Variants in PLEKHG3 observed in about 807,000 individuals in gnomAD.
PLEKHG3 encodes pleckstrin homology domain-containing family G member 3.
In PLEKHG3, 62 loss-of-function variants were observed where a neutral mutation model predicts 94.9. The ratio of observed to expected loss-of-function variants is 0.65; its 90% CI spans 0.53 to 0.81. The LOEUF (loss-of-function observed/expected upper bound fraction) is 0.81. Ranked by LOEUF, PLEKHG3 falls within the 30% of genes least tolerant of loss-of-function variation. The pLI is 0.00. For synonymous variants in PLEKHG3, 614 were observed against 654.0 expected (o/e 0.94, Z 0.93); for missense variants, 1,461 against 1,619.3 (o/e 0.90, Z 1.68).
Position 64,730,731 on chromosome 14 carries a change from G to T in PLEKHG3, c.566+43G>T, listed in dbSNP as rs2081441468. On this transcript the variant is annotated intron_variant, in intron 5 of 16. Transcript: ENST00000247226. This position sits in a 1 kb window ranked among gnomAD's most constrained non-coding sequence, Gnocchi z 5.4. ...GAGGGAAGGCAGAGCCATTTGGTGAGTCCAGAGCCCCCCACTTCCTCATCC... is the reference window on the plus strand; with the variant it reads ...GAGGGAAGGCAGAGCCATTTGGTGATTCCAGAGCCCCCCACTTCCTCATCC... 1 of 1,612,422 alleles carries T rather than the reference G, an allele frequency of 6.2e-7. No homozygotes were observed. Among genetic ancestry groups the T allele is most frequent in the Non-Finnish European group, 8.5e-7 (1 of 1,178,602 alleles).
chr14:64,730,148 G>T lies in PLEKHG3; in HGVS notation c.450-95G>T. 1.4e-6 allele frequency: 1 copy of T among 700,086 alleles called. No homozygotes were observed. Among genetic ancestry groups the T allele is most frequent in the Non-Finnish European group, 2.5e-6 (1 of 396,588 alleles). 43.4% of individuals were successfully genotyped at this position (700,086 alleles called of 1,614,324 possible). A position where few individuals can be genotyped will look rare whatever the true frequency, so the allele number is the denominator to read the frequency against. On this transcript the variant is annotated intron_variant, in intron 3 of 16. Coordinates refer to ENST00000247226, the MANE Select transcript of PLEKHG3 (RefSeq NM_001308147.2). The surrounding 1 kb of genome is among the most constrained non-coding windows in gnomAD (Gnocchi z 5.4). ...GTTCTTTAGCAAAGCAATAGGGCTGGCTGTCAGTCAGGGTTTGGGAGGTTG... is the reference window on the plus strand; with the variant it reads ...GTTCTTTAGCAAAGCAATAGGGCTGTCTGTCAGTCAGGGTTTGGGAGGTTG...
At position 64,727,375 on chromosome 14, in the gene PLEKHG3, A is replaced by G. The variant is rs989144482; in HGVS notation, c.-39-218A>G. 2.0e-5 allele frequency among the ~76,000 whole-genome samples: 3 copies of G among 152,210 alleles called. No homozygotes were observed. Among genetic ancestry groups the G allele is most frequent in the African/African-American group, 7.2e-5 (3 of 41,446 alleles). ...TAACATAAAATTTACCATCTTCACC[A>G]TTTTAAGTGTACAGTTCAGTGACAG... is the stretch of plus-strand genomic sequence containing the variant. On this transcript the variant is annotated intron_variant, in intron 1 of 16. Transcript: ENST00000247226. This position sits in a 1 kb window ranked among gnomAD's most constrained non-coding sequence, Gnocchi z 6.0.
chr14:64,748,980 C>G lies in PLEKHG3; in HGVS notation c.*5277C>G, dbSNP rs1466669158. 1 of 253,122 alleles carries G rather than the reference C, an allele frequency of 4.0e-6. No homozygotes were observed. The highest frequency in any genetic ancestry group is 1.1e-4 in the East Asian group (1 of 9,406). 15.7% of individuals were successfully genotyped at this position (253,122 alleles called of 1,614,324 possible). A position where few individuals can be genotyped will look rare whatever the true frequency, so the allele number is the denominator to read the frequency against. ...GGTTGGGGGTAAGGGGCCTGTGCCC[C>G]CTCGGCTCAGGAGGAGGGTGGGAGA... On this transcript the variant is annotated 3_prime_UTR_variant, in exon 17 of 17. Coordinates refer to ENST00000247226, the MANE Select transcript of PLEKHG3 (RefSeq NM_001308147.2).
At position 64,730,544 on chromosome 14, in the gene PLEKHG3, A is replaced by G. The variant is rs1302729664; in HGVS notation, c.520-98A>G. On this transcript the variant is annotated intron_variant, in intron 4 of 16. Coordinates refer to ENST00000247226, the MANE Select transcript of PLEKHG3 (RefSeq NM_001308147.2). This position sits in a 1 kb window ranked among gnomAD's most constrained non-coding sequence, Gnocchi z 5.4. ...CTCTGTAGGCATTTGGGAACAGGGG[A>G]CAGAGGGTGCTCTGGGGGCCAGGGG... The G allele has an allele frequency of 4.0e-6, 4 of 989,168 alleles. No homozygotes were observed. The highest frequency in any genetic ancestry group is 1.6e-5 in the African/African-American group (1 of 62,438). 61.3% of individuals were successfully genotyped at this position (989,168 alleles called of 1,614,324 possible). A position where few individuals can be genotyped will look rare whatever the true frequency, so the allele number is the denominator to read the frequency against.
chr14:64,740,887 A>C (rs2081671976), intron 15 of PLEKHG3, 149 bp from the exon 16 acceptor site: 3 of 625,774 alleles, frequency 4.8e-6, no homozygotes, highest in African/African-American at 1.8e-5. Flanking sequence ...CCCATCACCT[A>C]CTCCTAAGTC....
chr14:64,750,000 T>G lies in PLEKHG3; in HGVS notation c.*6297T>G, dbSNP rs201289041. 125 of 1,612,968 alleles carry G rather than the reference T, an allele frequency of 7.7e-5. No homozygotes were observed. Among genetic ancestry groups the G allele is most frequent in the African/African-American group, 1.2e-4 (9 of 74,920 alleles). On this transcript the variant is annotated 3_prime_UTR_variant, in exon 17 of 17. Transcript: ENST00000247226. The surrounding 1 kb of genome is among the most constrained non-coding windows in gnomAD (Gnocchi z 4.7). ...CCTCACCTCAGCTTAAAGACGTGCT[T>G]CTTCTTCTTGTAGTTGGCAGCAATC... is the stretch of plus-strand genomic sequence containing the variant.
rs1276066770 is a variant in PLEKHG3, at chr14:64,743,444, C to T, written c.3401C>T (p.Ala1134Val). ...GGAGGCGAGACCCTGTATGTCACTGCAGACCTCACCCTGGAGGACAACCGG... is the reference window on the plus strand; with the variant it reads ...GGAGGCGAGACCCTGTATGTCACTGTAGACCTCACCCTGGAGGACAACCGG... ...PDGGETLYVT[A>V]DLTLEDNRRV... The change falls in exon 17 of 17, where the codon GCA becomes GTA. Residue 1134 changes from alanine (A) to valine (V), a missense_variant. This residue lies in a region of PLEKHG3 where 1,201 missense variants were observed against 1,295.5 expected (regional missense o/e 0.93). Coordinates refer to ENST00000247226, the MANE Select transcript of PLEKHG3 (RefSeq NM_001308147.2). The surrounding 1 kb of genome is among the most constrained non-coding windows in gnomAD (Gnocchi z 7.2). 6.2e-7 allele frequency: 1 copy of T among 1,613,150 alleles called. No homozygotes were observed. The highest frequency in any genetic ancestry group is 1.1e-5 in the South Asian group (1 of 91,088).
In PLEKHG3 at chr14:64,743,016, T is replaced by C. The variant is rs2081742086; in HGVS notation, c.2973T>C (p.Tyr991=). The part of the protein sequence containing the change: ...KRKPVLSLFD[Y]EQLMAQEHSP... Reference sequence around the variant, plus strand: ...AGCCGGTGCTGTCTCTATTTGACTATGAGCAGCTGATGGCCCAGGAGCACA... The same window carrying C: ...AGCCGGTGCTGTCTCTATTTGACTACGAGCAGCTGATGGCCCAGGAGCACA... Residue 991 remains tyrosine (Y), a synonymous_variant, in exon 17 of 17, where the codon TAT becomes TAC. Coordinates refer to ENST00000247226, the MANE Select transcript of PLEKHG3 (RefSeq NM_001308147.2). This position sits in a 1 kb window ranked among gnomAD's most constrained non-coding sequence, Gnocchi z 7.2. 6.2e-7 allele frequency: 1 copy of C among 1,613,180 alleles called. No homozygotes were observed. Among genetic ancestry groups the C allele is most frequent in the South Asian group, 1.1e-5 (1 of 91,086 alleles).
Position 64,730,959 on chromosome 14 carries a change from C to T in PLEKHG3, c.717+10C>T, listed in dbSNP as rs200179941. The T allele has an allele frequency of 1.6e-5, 26 of 1,613,140 alleles. No individual in the cohort carries two copies. The highest frequency in any genetic ancestry group is 1.0e-4 in the Admixed American group (6 of 60,024). ...CCACCTGCTGCTCCAGGTAGCCCCT[C>T]GGTCCTCCCAAGCACCTAGGGCCTG... On this transcript the variant is annotated intron_variant, in intron 6 of 16. Transcript: ENST00000247226. This position sits in a 1 kb window ranked among gnomAD's most constrained non-coding sequence, Gnocchi z 5.4.
chr14:64,729,969 G>A (rs761011119), intron 3 of PLEKHG3, among the ~76,000 whole-genome samples: 22 of 152,314 alleles, frequency 1.4e-4, no homozygotes, highest in Non-Finnish European at 1.3e-4. Flanking sequence ...GAGGAGCTGT[G>A]TCCCCTCCCG....
In PLEKHG3 at chr14:64,728,032, A is replaced by G; in HGVS notation, c.351+50A>G. The G allele has an allele frequency of 8.4e-7, 1 of 1,195,216 alleles. No individual in the cohort carries two copies. The highest frequency in any genetic ancestry group is 1.2e-6 in the Non-Finnish European group (1 of 868,556). The allele number at this position is 1,195,216 out of a possible 1,614,324, so 74.0% of individuals were successfully genotyped here. ...CAGTATTCTAGCAGAAGCCTGTTTCACCCTGGGAGGGAAGCTCTCAAAAGA... is the reference window on the plus strand; with the variant it reads ...CAGTATTCTAGCAGAAGCCTGTTTCGCCCTGGGAGGGAAGCTCTCAAAAGA... On this transcript the variant is annotated intron_variant, in intron 2 of 16. Transcript: ENST00000247226. The surrounding 1 kb of genome is among the most constrained non-coding windows in gnomAD (Gnocchi z 5.9).
chr14:64,749,413 G>A lies in PLEKHG3; in HGVS notation c.*5710G>A, dbSNP rs770384233. 80 of 1,606,858 alleles carry A rather than the reference G, an allele frequency of 5.0e-5. No individual in the cohort carries two copies. Among genetic ancestry groups the A allele is most frequent in the East Asian group, 6.7e-5 (3 of 44,886 alleles). ...AGGGGCAGGCTCTGCGCCTTGACGCGGATGCTCTGGGACTCGTTGATGGCG... is the reference window on the plus strand; with the variant it reads ...AGGGGCAGGCTCTGCGCCTTGACGCAGATGCTCTGGGACTCGTTGATGGCG... On this transcript the variant is annotated 3_prime_UTR_variant, in exon 17 of 17. Coordinates refer to ENST00000247226, the MANE Select transcript of PLEKHG3 (RefSeq NM_001308147.2). The surrounding 1 kb of genome is among the most constrained non-coding windows in gnomAD (Gnocchi z 4.7).
At position 64,718,110 on chromosome 14, in the gene PLEKHG3, A is replaced by C. The variant is rs2081200124; in HGVS notation, c.-39-9483A>C. On this transcript the variant is annotated intron_variant, in intron 1 of 16. Coordinates refer to ENST00000247226, the MANE Select transcript of PLEKHG3 (RefSeq NM_001308147.2). This position sits in a 1 kb window ranked among gnomAD's most constrained non-coding sequence, Gnocchi z 5.0. ...TGGCAAAGCTTACTCGTCATTTATG[A>C]CTCAGCTAAGATGTCACCTTCTCCT... 6.6e-6 allele frequency among the ~76,000 whole-genome samples: 1 copy of C among 151,744 alleles called. No homozygotes were observed. Among genetic ancestry groups the C allele is most frequent in the Admixed American group, 6.6e-5 (1 of 15,256 alleles).
intron 14 of PLEKHG3, 52 bp downstream of exon 14, chr14:64,737,427 C>T: frequency 7.5e-7 from 1 of 1,330,798 alleles, no homozygotes; most frequent in South Asian, 1.4e-5. Context: ...GTGGGACTGC[C>T]CAGGTCAGCC....
Position 64,730,822 on chromosome 14 carries a change from G to A in PLEKHG3, c.590G>A (p.Cys197Tyr). 2.5e-6 allele frequency: 4 copies of A among 1,613,494 alleles called. No homozygotes were observed. The highest frequency in any genetic ancestry group is 3.4e-6 in the Non-Finnish European group (4 of 1,179,914). The change falls in exon 6 of 17, where the codon TGC (cysteine) becomes TAC (tyrosine). Residue 197 changes from cysteine to tyrosine, a missense_variant. Cys to Tyr is a radical substitution (Grantham distance 194). Transcript: ENST00000247226. This position sits in a 1 kb window ranked among gnomAD's most constrained non-coding sequence, Gnocchi z 5.4. ...YPNSVAALTE[C>Y]MRDKQQAKFF... Reference sequence around the variant, plus strand: ...AGCTCCGTGGCCGCCCTGACGGAATGCATGCGGGACAAGCAGCAGGCCAAG... The same window carrying A: ...AGCTCCGTGGCCGCCCTGACGGAATACATGCGGGACAAGCAGCAGGCCAAG...
chr14:64,749,995 G>A lies in PLEKHG3; in HGVS notation c.*6292G>A, dbSNP rs766114391. ...GAAGGCCTCACCTCAGCTTAAAGAC[G>A]TGCTTCTTCTTCTTGTAGTTGGCAG... On this transcript the variant is annotated 3_prime_UTR_variant, in exon 17 of 17. Transcript: ENST00000247226. The surrounding 1 kb of genome is among the most constrained non-coding windows in gnomAD (Gnocchi z 4.7). 138 of 1,614,082 alleles carry A rather than the reference G, an allele frequency of 8.5e-5. No individual in the cohort carries two copies. Among genetic ancestry groups the A allele is most frequent in the Admixed American group, 1.2e-4 (7 of 60,008 alleles).
At chr14:64,742,858 C>A in intron 16 of PLEKHG3, 124 bp from the exon 17 acceptor site, 1 of 841,728 alleles carries the variant, frequency 1.2e-6, no homozygotes, top group South Asian at 1.6e-5. Flanking sequence ...GAGATTTCTC[C>A]CATCACACCC....
At chr14:64,729,588 C>T (rs1594688760) in intron 3 of PLEKHG3, among the ~76,000 whole-genome samples, 1 of 152,280 alleles carries the variant, frequency 6.6e-6, no homozygotes, top group Non-Finnish European at 1.5e-5. Flanking sequence ...GGGTCTCCTG[C>T]CTGGGACCAC....
chr14:64,738,847 C>A lies in PLEKHG3; in HGVS notation c.1510C>A (p.Leu504Met). 1 of 1,577,482 alleles carries A rather than the reference C, an allele frequency of 6.3e-7. No homozygotes were observed. Among genetic ancestry groups the A allele is most frequent in the Non-Finnish European group, 8.6e-7 (1 of 1,159,358 alleles). The stretch of plus-strand genomic sequence containing the variant: ...CATGAGCTTCGAGTCCATTTCTTCC[C>A]TGCCAGAGGTGAGCGACCAGCAGGT... The part of the protein sequence containing the change: ...KRMSFESISS[L>M]PEVEPDPEAG... Residue 504 changes from leucine to methionine, a missense_variant, in exon 15 of 17, where the codon CTG becomes ATG. Transcript: ENST00000247226. The surrounding 1 kb of genome is among the most constrained non-coding windows in gnomAD (Gnocchi z 4.8).
Sources: gnomAD v4.1 joint callset for allele counts (sites outside exome capture counted in the v4.1 genomes callset) on GRCh38, gnomAD v4.1.1 for gene constraint, gnomAD v4.1.1 regional missense constraint, Gnocchi (gnomAD v3.1) non-coding constraint, MANE v1.5 for transcripts, NCBI Gene and HGNC (gene_info 2026-07-23, HGNC 2026-07-21) for gene names.